Variants in GAREM1 observed in about 807,000 individuals in gnomAD.
GAREM1 encodes the protein GRB2 associated regulator of MAPK1 subtype 1.
GAREM1 carries 26 observed loss-of-function variants against 71.3 expected under a neutral mutation model. That is an observed-to-expected ratio of 0.36 (90% CI 0.27 to 0.51). GAREM1 has a LOEUF of 0.51. Among genes scored for constraint, GAREM1 ranks in the 20% least tolerant of loss-of-function variants. The pLI is 0.95. For missense variants in GAREM1, 1,026 were observed against 1,103.1 expected, an observed-to-expected ratio of 0.93 and a Z score of 0.99; for synonymous variants, 440 against 433.2, an observed-to-expected ratio of 1.02 and a Z score of -0.20.
intron 4 of GAREM1, among the ~76,000 whole-genome samples, chr18:32,279,600 A>G (rs184403686): frequency 6.6e-6 from 1 of 152,184 alleles, no homozygotes; most frequent in African/African-American, 2.4e-5. Context: ...CACTGATTCT[A>G]CATTATGGTG....
Position 32,470,874 on chromosome 18 carries a change from G to A in GAREM1, c.-446C>T, listed in dbSNP as rs2049049075. ...GAGAAACGCCATAGCAGCGCTCCCA[G>A]CACTGACTAATCAACAAGGTGCGAG... On this transcript the variant is annotated 5_prime_UTR_variant, in exon 1 of 6. Coordinates refer to ENST00000269209, the MANE Select transcript of GAREM1 (RefSeq NM_001242409.2). The surrounding 1 kb of genome is among the most constrained non-coding windows in gnomAD (Gnocchi z 4.4). 6.6e-6 allele frequency among the ~76,000 whole-genome samples: 1 copy of A among 150,874 alleles called. No individual in the cohort carries two copies.
chr18:32,319,060 G>C (rs1232888767), intron 2 of GAREM1, among the ~76,000 whole-genome samples: 4 of 152,150 alleles, frequency 2.6e-5, no homozygotes, highest in Non-Finnish European at 5.9e-5. Context: ...ACCACACATG[G>C]CATAAAGCAG....
intron 1 of GAREM1, among the ~76,000 whole-genome samples, chr18:32,397,716 C>T (rs1049763586): frequency 5.9e-5 from 9 of 152,176 alleles, no homozygotes; most frequent in Non-Finnish European, 1.2e-4. Flanking sequence ...GAGACTTCAA[C>T]ACCTCACTGT....
rs613616 is a variant in GAREM1, at chr18:32,299,240, A to T, written c.393+10953T>A. ...TAAAAAGTGATTATATCTAGCCAGG[A>T]GCGGTGGCTCATGCCTGTAATCCCA... is the stretch of plus-strand genomic sequence containing the variant. On this transcript the variant is annotated intron_variant, in intron 3 of 5. Coordinates refer to ENST00000269209, the MANE Select transcript of GAREM1 (RefSeq NM_001242409.2). 4.2e-3 allele frequency among the ~76,000 whole-genome samples: 642 copies of T among 151,962 alleles called. 6 individuals are homozygous for T. The highest frequency in any genetic ancestry group is 0.015 in the African/African-American group (617 of 41,434).
chr18:32,287,470 C>A lies in GAREM1; in HGVS notation c.1127G>T (p.Arg376Leu). 1 of 1,614,196 alleles carries A rather than the reference C, an allele frequency of 6.2e-7. No homozygotes were observed. Among genetic ancestry groups the A allele is most frequent in the Non-Finnish European group, 8.5e-7 (1 of 1,180,026 alleles). ...GTGGAAGGACTGGGTGAGCTCATCGCGGGCGTAGCTGAGCGAATTGGGCAC... is the reference window on the plus strand; with the variant it reads ...GTGGAAGGACTGGGTGAGCTCATCGAGGGCGTAGCTGAGCGAATTGGGCAC... Reference protein sequence around the residue: ...NHVPNSLSYARDELTQSFHRL... With the variant: ...NHVPNSLSYALDELTQSFHRL... Residue 376 changes from arginine (R) to leucine (L), a missense_variant, in exon 4 of 6, where the codon CGC becomes CTC. Coordinates refer to ENST00000269209, the MANE Select transcript of GAREM1 (RefSeq NM_001242409.2). This position sits in a 1 kb window ranked among gnomAD's most constrained non-coding sequence, Gnocchi z 5.9.
chr18:32,323,656 C>T (rs1408176500), intron 2 of GAREM1, among the ~76,000 whole-genome samples: 5 of 152,126 alleles, frequency 3.3e-5, no homozygotes, highest in Admixed American at 6.5e-5. Context: ...TTGCAGTGGG[C>T]CAAAATTGCG....
At chr18:32,400,485 C>G (rs1013946787) in intron 1 of GAREM1, among the ~76,000 whole-genome samples, 2 of 152,074 alleles carry the variant, frequency 1.3e-5, no homozygotes, top group African/African-American at 4.8e-5. Context: ...AAGAAAAAAA[C>G]AAACAACCCC....
intron 2 of GAREM1, among the ~76,000 whole-genome samples, chr18:32,361,447 A>G (rs975462949): frequency 6.6e-6 from 1 of 152,244 alleles, no homozygotes; most frequent in African/African-American, 2.4e-5. Flanking sequence ...TGCCTCAATG[A>G]AATTAAGAAT....
Position 32,382,819 on chromosome 18 carries a change from A to G in GAREM1, c.262+10076T>C, listed in dbSNP as rs148307230. Among the ~76,000 whole-genome samples the G allele has an allele frequency of 9.2e-5, 14 of 152,180 alleles. No homozygotes were observed. In the East Asian group the frequency reaches 2.7e-3, roughly 29 times the overall value. ...GATCAACAAGACTCGCTGCATAATT[A>G]CTCTGTGGGTCAGGAGGAAAGGACC... On this transcript the variant is annotated intron_variant, in intron 2 of 5. Coordinates refer to ENST00000269209, the MANE Select transcript of GAREM1 (RefSeq NM_001242409.2).
At chr18:32,286,603 C>T (rs1434885691) in intron 4 of GAREM1, among the ~76,000 whole-genome samples, 1 of 152,148 alleles carries the variant, frequency 6.6e-6, no homozygotes. Context: ...TGACATCCAA[C>T]TCACAAGTAA....
intron 1 of GAREM1, among the ~76,000 whole-genome samples, chr18:32,416,328 C>T (rs1158497739): frequency 6.6e-6 from 1 of 152,090 alleles, no homozygotes; most frequent in African/African-American, 2.4e-5. Context: ...CAATCCCTAC[C>T]AAAATACCAA....
At chr18:32,407,487 T>C (rs962209561) in intron 1 of GAREM1, among the ~76,000 whole-genome samples, 1 of 152,182 alleles carries the variant, frequency 6.6e-6, no homozygotes, top group African/African-American at 2.4e-5. Context: ...ATTTTCTGTA[T>C]ACAAATTCAT....
chr18:32,277,883 A>T (rs1168934751), intron 4 of GAREM1, among the ~76,000 whole-genome samples: 2 of 152,170 alleles, frequency 1.3e-5, no homozygotes, highest in Non-Finnish European at 2.9e-5. Flanking sequence ...TGGAGGACAA[A>T]AACTGAAACA....
intron 1 of GAREM1, among the ~76,000 whole-genome samples, chr18:32,438,192 C>T (rs886483211): frequency 1.3e-5 from 2 of 152,130 alleles, no homozygotes; most frequent in South Asian, 2.1e-4. Context: ...AGAAGGCCTA[C>T]GATATACAAC....
intron 1 of GAREM1, among the ~76,000 whole-genome samples, chr18:32,447,138 A>C (rs13380952): frequency 0.14 from 21,994 of 152,074 alleles, 1,907 homozygotes; most frequent in East Asian, 0.39. Flanking sequence ...TCAAGGCAAT[A>C]ATCACCACCT....
chr18:32,440,935 T>C (rs1402528348), intron 1 of GAREM1, among the ~76,000 whole-genome samples: 3 of 152,230 alleles, frequency 2.0e-5, no homozygotes, highest in Non-Finnish European at 4.4e-5. Context: ...TGTATCTACA[T>C]AAGTCTCAAA....
chr18:32,330,739 C>T (rs979787163), intron 2 of GAREM1, among the ~76,000 whole-genome samples: 6 of 151,958 alleles, frequency 3.9e-5, no homozygotes, highest in Non-Finnish European at 8.8e-5. Context: ...TGGGATGAAA[C>T]AAAATCTTCC....
chr18:32,279,826 G>C (rs2041591043), intron 4 of GAREM1, among the ~76,000 whole-genome samples: 1 of 152,074 alleles, frequency 6.6e-6, no homozygotes, highest in South Asian at 2.1e-4. Context: ...TAATCATTAA[G>C]ATTTTCAATA....
At chr18:32,271,230 T>C (rs918761864) in intron 4 of GAREM1, among the ~76,000 whole-genome samples, 12 of 152,116 alleles carry the variant, frequency 7.9e-5, no homozygotes, top group African/African-American at 2.9e-4. Flanking sequence ...TCTTGCTCTG[T>C]TGCCCATGTT....
Sources: allele counts gnomAD v4.1 joint callset (sites outside exome capture counted in the v4.1 genomes callset), GRCh38; gene constraint gnomAD v4.1.1; non-coding constraint Gnocchi (gnomAD v3.1); transcripts MANE v1.5; gene names NCBI Gene and HGNC (gene_info 2026-07-23, HGNC 2026-07-21).